XKR9: variants seen among roughly 807,000 people sequenced by gnomAD.
XKR9 encodes the protein XK related 9.
In XKR9, 32 loss-of-function variants were observed where a neutral mutation model predicts 32.0. That is an observed-to-expected ratio of 1.00 (90% CI 0.76 to 1.34). The LOEUF (loss-of-function observed/expected upper bound fraction) is 1.34. Among genes scored for constraint, XKR9 ranks in the 40% most tolerant of loss-of-function variants. The pLI, the probability that XKR9 is intolerant of heterozygous loss-of-function variation, is 0.00. For synonymous variants in XKR9, 168 were observed against 143.4 expected, an observed-to-expected ratio of 1.17 and a Z score of -1.22; for missense variants, 546 against 429.7, an observed-to-expected ratio of 1.27 and a Z score of -2.39.
At chr8:70,932,865 G>T in the XKR9 span, among the ~76,000 whole-genome samples, 17,434 of 152,104 alleles carry the variant, frequency 0.11, 1,188 homozygotes, top group African/African-American at 0.19. Flanking sequence ...AGGGGGCTAG[G>T]ACTTCAACAT....
the XKR9 span, among the ~76,000 whole-genome samples, chr8:70,925,185 G>A: frequency 6.6e-6 from 1 of 152,122 alleles, no homozygotes; most frequent in Non-Finnish European, 1.5e-5. Context: ...CAAGGATGTA[G>A]GTAATCATGT....
the XKR9 span, among the ~76,000 whole-genome samples, chr8:71,064,712 A>G: frequency 2.0e-5 from 3 of 152,136 alleles, no homozygotes; most frequent in Admixed American, 6.5e-5. Context: ...CTCTCAAGCC[A>G]TATTCCTGGT....
the XKR9 span, among the ~76,000 whole-genome samples, chr8:70,866,626 G>A: frequency 6.6e-6 from 1 of 151,618 alleles, no homozygotes; most frequent in African/African-American, 2.4e-5. Context: ...ATTTTAGACA[G>A]TCTAGTGCCA....
At chr8:70,999,686 G>A in the XKR9 span, among the ~76,000 whole-genome samples, 3 of 152,176 alleles carry the variant, frequency 2.0e-5, no homozygotes, top group Admixed American at 6.5e-5. Flanking sequence ...TTTTGTTCTT[G>A]TAGTAGCTGT....
chr8:70,750,637 T>C (rs1031865318), intron 2 of XKR9, among the ~76,000 whole-genome samples: 2 of 152,222 alleles, frequency 1.3e-5, no homozygotes, highest in Non-Finnish European at 2.9e-5. Context: ...TTTCTTGATA[T>C]ATAATTCATA....
the XKR9 span, among the ~76,000 whole-genome samples, chr8:70,901,256 C>G: frequency 4.6e-5 from 7 of 152,214 alleles, no homozygotes; most frequent in Non-Finnish European, 1.0e-4. Flanking sequence ...AATAGTTGAA[C>G]TAGTTTACAG....
At chr8:70,984,047 A>G in the XKR9 span, among the ~76,000 whole-genome samples, 12 of 152,204 alleles carry the variant, frequency 7.9e-5, no homozygotes, top group Admixed American at 2.0e-4. Context: ...TAAATTATAT[A>G]TATGAAATTA....
the XKR9 span, among the ~76,000 whole-genome samples, chr8:71,057,899 T>C: frequency 6.6e-6 from 1 of 152,260 alleles, no homozygotes; most frequent in East Asian, 1.9e-4. Flanking sequence ...AATTAATAAA[T>C]TGGGGCCATG....
chr8:70,822,203 A>G, the XKR9 span, among the ~76,000 whole-genome samples: 1 of 152,198 alleles, frequency 6.6e-6, no homozygotes, highest in African/African-American at 2.4e-5. Flanking sequence ...AACCTGATTA[A>G]AAGTCAGTTT....
At chr8:70,942,360 G>T in the XKR9 span, among the ~76,000 whole-genome samples, 2 of 152,044 alleles carry the variant, frequency 1.3e-5, no homozygotes, top group East Asian at 3.9e-4. Context: ...ATATTATTTG[G>T]ATTCAGATTA....
the XKR9 span, among the ~76,000 whole-genome samples, chr8:70,953,005 G>A: frequency 2.0e-5 from 3 of 152,312 alleles, no homozygotes; most frequent in East Asian, 1.9e-4. Flanking sequence ...AAGTTCGCAC[G>A]GAGAACTGAA....
chr8:70,950,585 C>T, the XKR9 span, among the ~76,000 whole-genome samples: 1 of 152,124 alleles, frequency 6.6e-6, no homozygotes, highest in Non-Finnish European at 1.5e-5. Flanking sequence ...CCTTGAGTTT[C>T]GTCTTTGTCT....
chr8:70,860,289 T>G, the XKR9 span, among the ~76,000 whole-genome samples: 1 of 152,170 alleles, frequency 6.6e-6, no homozygotes, highest in East Asian at 1.9e-4. Flanking sequence ...ATTAGTACCC[T>G]TATAAGAAGC....
At chr8:70,819,036 A>T in the XKR9 span, among the ~76,000 whole-genome samples, 1 of 152,178 alleles carries the variant, frequency 6.6e-6, no homozygotes, top group Non-Finnish European at 1.5e-5. Context: ...GCTGGTTAAA[A>T]TCACACCATT....
chr8:70,940,589 T>C, the XKR9 span, among the ~76,000 whole-genome samples: 4 of 152,092 alleles, frequency 2.6e-5, no homozygotes, highest in Non-Finnish European at 5.9e-5. Context: ...TAAATGCTGG[T>C]TTTATTTCTT....
At chr8:70,857,625 A>T in the XKR9 span, among the ~76,000 whole-genome samples, 4 of 152,352 alleles carry the variant, frequency 2.6e-5, no homozygotes, top group East Asian at 7.7e-4. Context: ...TGAGGCAAGC[A>T]TCATCCTGAT....
chr8:71,041,158 A>C, the XKR9 span, among the ~76,000 whole-genome samples: 20 of 152,308 alleles, frequency 1.3e-4, no homozygotes, highest in Non-Finnish European at 2.1e-4. Flanking sequence ...ATATCAAGAC[A>C]ACCACTAGAT....
At chr8:70,982,977 G>T in the XKR9 span, among the ~76,000 whole-genome samples, 1 of 152,298 alleles carries the variant, frequency 6.6e-6, no homozygotes, top group Non-Finnish European at 1.5e-5. Flanking sequence ...ACGTTAGGTT[G>T]TCAGCTGTCA....
At chr8:70,980,893 A>G in the XKR9 span, among the ~76,000 whole-genome samples, 9 of 152,194 alleles carry the variant, frequency 5.9e-5, no homozygotes, top group African/African-American at 2.2e-4. Context: ...TCCTTCATTT[A>G]TGAAGCTTAG....
Sources: gnomAD v4.1 joint callset for allele counts (sites outside exome capture counted in the v4.1 genomes callset) on GRCh38, gnomAD v4.1.1 for gene constraint, MANE v1.5 for transcripts, NCBI Gene and HGNC (gene_info 2026-07-23, HGNC 2026-07-21) for gene names.